ARMC3: variants seen among roughly 807,000 people sequenced by gnomAD.
ARMC3 encodes armadillo repeat containing 3.
Under a neutral mutation model 90.3 loss-of-function variants are expected in ARMC3, and 74 were observed. The ratio of observed to expected loss-of-function variants is 0.82; its 90% CI spans 0.68 to 0.99. ARMC3 has a LOEUF of 0.99. Ranked by LOEUF, ARMC3 falls within the 50% of genes least tolerant of loss-of-function variation. ARMC3 has a pLI of 0.00. For missense variants in ARMC3, 958 were observed against 1,042.8 expected (o/e 0.92, Z 1.12); for synonymous variants, 334 against 361.8 (o/e 0.92, Z 0.87).
At chr10:23,014,045 T>C (rs1399032347) in intron 16 of ARMC3, 2 of 1,532,040 alleles carry the variant, frequency 1.3e-6, no homozygotes, top group African/African-American at 2.8e-5. Flanking sequence ...ATGAGAATAA[T>C]TATTCCTTCT....
intron 10 of ARMC3, among the ~76,000 whole-genome samples, chr10:22,993,670 G>T (rs1437228198): frequency 6.6e-6 from 1 of 152,190 alleles, no homozygotes; most frequent in Non-Finnish European, 1.5e-5. Flanking sequence ...ACCAGGTACA[G>T]ACATAGCACA....
At chr10:22,971,486 G>A (rs1447280958) in intron 8 of ARMC3, among the ~76,000 whole-genome samples, 1 of 149,188 alleles carries the variant, frequency 6.7e-6, no homozygotes, top group East Asian at 2.0e-4. Flanking sequence ...CATCACCCAG[G>A]CTGGAGTGCA....
At chr10:22,982,992 T>A in intron 10 of ARMC3, among the ~76,000 whole-genome samples, 1 of 152,220 alleles carries the variant, frequency 6.6e-6, no homozygotes, top group East Asian at 1.9e-4. Flanking sequence ...AGCTACAATC[T>A]TTGACACAGT....
At position 22,959,072 on chromosome 10, in the gene ARMC3, G is replaced by T; in HGVS notation, c.295G>T (p.Asp99Tyr). 1 of 1,605,298 alleles carries T rather than the reference G, an allele frequency of 6.2e-7. No homozygotes were observed. The highest frequency in any genetic ancestry group is 1.1e-5 in the South Asian group (1 of 90,876). ...ATACTCTGTTTCTTCCTTTGTAGAT[G>T]ATGTTAAAAAATTGTTAAGGGAGTT... ...MIFGILASNN[D>Y]VKKLLRELDV... The change falls in exon 5 of 19, where the codon GAT becomes TAT. Residue 99 changes from aspartate (D) to tyrosine (Y), a missense_variant and splice_region_variant. Transcript: ENST00000298032.
chr10:22,934,428 T>A (rs533799748), intron 2 of ARMC3, among the ~76,000 whole-genome samples: 5 of 152,274 alleles, frequency 3.3e-5, no homozygotes, highest in Admixed American at 6.5e-5. Context: ...ACAACTATAT[T>A]CTTCCTTTCC....
intron 10 of ARMC3, among the ~76,000 whole-genome samples, chr10:22,997,846 C>CT (rs1049780437): frequency 3.3e-5 from 5 of 151,502 alleles, no homozygotes; most frequent in Admixed American, 6.6e-5. Context: ...ATGGTTGTAC[C>CT]TTTTTTTTAA....
At chr10:23,012,235 T>G (rs1399732516) in intron 16 of ARMC3, among the ~76,000 whole-genome samples, 13 of 152,236 alleles carry the variant, frequency 8.5e-5, no homozygotes, top group Admixed American at 8.5e-4. Context: ...GTTTGCTTTA[T>G]TGTGATATTT....
chr10:22,995,745 G>A (rs1031721249), intron 10 of ARMC3, among the ~76,000 whole-genome samples: 22 of 152,176 alleles, frequency 1.4e-4, no homozygotes, highest in Middle Eastern at 3.4e-3. Context: ...ATTTTTCTTC[G>A]TTTCTTAGTT....
At chr10:22,930,935 CTT>C (rs34860824) in intron 1 of ARMC3, among the ~76,000 whole-genome samples, 3 of 147,550 alleles carry the variant, frequency 2.0e-5, no homozygotes, top group African/African-American at 2.5e-5. Context: ...TGAAAAGTTT[CTT>C]TTTTTTTTTT....
intron 11 of ARMC3, among the ~76,000 whole-genome samples, chr10:23,000,772 T>A (rs551340574): frequency 6.6e-6 from 1 of 152,250 alleles, no homozygotes; most frequent in South Asian, 2.1e-4. Context: ...GTGATGAGAG[T>A]GACTGAAAGT....
chr10:23,030,125 T>C (rs180810258), intron 16 of ARMC3, among the ~76,000 whole-genome samples: 1 of 152,306 alleles, frequency 6.6e-6, no homozygotes, highest in African/African-American at 2.4e-5. Context: ...TCTTGAAAAT[T>C]AGTTTGTCCT....
At chr10:23,011,991 T>C (rs1838033794) in intron 16 of ARMC3, among the ~76,000 whole-genome samples, 1 of 152,236 alleles carries the variant, frequency 6.6e-6, no homozygotes, top group African/African-American at 2.4e-5. Context: ...AGGACCTTAT[T>C]GTACATATAG....
chr10:22,946,149 C>G lies in ARMC3; in HGVS notation c.54C>G (p.Asp18Glu). 1.9e-6 allele frequency: 3 copies of G among 1,602,958 alleles called. No homozygotes were observed. Among genetic ancestry groups the G allele is most frequent in the Non-Finnish European group, 2.6e-6 (3 of 1,173,328 alleles). The stretch of plus-strand genomic sequence containing the variant: ...GTTTTCTTTCTGCCTTTCAGTTTGA[C>G]CCATTAATGATTGAAAGCAAAAAAG... ...EVEPPPKDVF[D>E]PLMIESKKAA... The change falls in exon 3 of 19, where the codon GAC (aspartate) becomes GAG (glutamate). Residue 18 changes from aspartate to glutamate, a missense_variant. Transcript: ENST00000298032.
chr10:22,963,918 CACACAAAAAAAAAAAAAAAAA>C (rs1835326442), intron 7 of ARMC3, among the ~76,000 whole-genome samples: 1 of 51,764 alleles, frequency 1.9e-5, no homozygotes, highest in Non-Finnish European at 3.5e-5. Context: ...CACACACACA[CACACAAAAAAAAAAAAAAAAA>C]AAAAAAAAAA....
rs1389037189 is a variant in ARMC3, at chr10:22,935,388, T to C, written c.48+3344T>C. Reference sequence around the variant, plus strand: ...AAAAAATAAATAAATAAATGGCCTGTGCTTGCCCTATTGGACAGCACAGAA... The same window carrying C: ...AAAAAATAAATAAATAAATGGCCTGCGCTTGCCCTATTGGACAGCACAGAA... On this transcript the variant is annotated intron_variant, in intron 2 of 18. Transcript: ENST00000298032. 2.0e-5 allele frequency among the ~76,000 whole-genome samples: 3 copies of C among 152,316 alleles called. No individual in the cohort carries two copies. In the East Asian group the frequency reaches 5.8e-4, roughly 29 times the overall value.
intron 6 of ARMC3, chr10:22,961,018 A>G: frequency 6.6e-6 from 1 of 152,176 alleles, no homozygotes; most frequent in Non-Finnish European, 1.5e-5. Flanking sequence ...ATCTGCAATG[A>G]CCCTGTTTTC....
At chr10:22,998,780 A>ACAGC (rs1355152143) in intron 11 of ARMC3, among the ~76,000 whole-genome samples, 4 of 152,242 alleles carry the variant, frequency 2.6e-5, no homozygotes, top group Non-Finnish European at 2.9e-5. Context: ...TGAATGAGCT[A>ACAGC]CAGCCCCACA....
chr10:22,945,467 G>C (rs1362869958), intron 2 of ARMC3, among the ~76,000 whole-genome samples: 1 of 152,158 alleles, frequency 6.6e-6, no homozygotes, highest in African/African-American at 2.4e-5. Flanking sequence ...GAATTCTCAG[G>C]AAACAGGTCT....
chr10:22,933,097 T>C (rs2131125198), intron 2 of ARMC3, among the ~76,000 whole-genome samples: 1 of 152,260 alleles, frequency 6.6e-6, no homozygotes, highest in South Asian at 2.1e-4. Context: ...CCCTGTGCAA[T>C]CCACTGGGTA....
Sources: allele counts gnomAD v4.1 joint callset (sites outside exome capture counted in the v4.1 genomes callset), GRCh38; gene constraint gnomAD v4.1.1; transcripts MANE v1.5; gene names NCBI Gene and HGNC (gene_info 2026-07-23, HGNC 2026-07-21).